TENM1: variants seen among roughly 807,000 people sequenced by gnomAD.
TENM1 encodes the protein teneurin transmembrane protein 1, also known as teneurin-1.
In TENM1, 35 loss-of-function variants were observed where a neutral mutation model predicts 174.8. The observed-to-expected ratio is 0.20, with a 90% CI of 0.15 to 0.27. The LOEUF (loss-of-function observed/expected upper bound fraction) is 0.27. TENM1 is among the 10% of genes least tolerant of loss of function. The probability of loss-of-function intolerance (pLI) is 1.00; values close to 1 mark genes in which losing one functional copy is unlikely to be tolerated. For missense variants in TENM1, 1,633 were observed against 2,130.1 expected (o/e 0.77, Z 4.59); for synonymous variants, 781 against 798.7 (o/e 0.98, Z 0.37).
chrX:124,671,692 C>T (rs1367668477), exon 6 of TENM1: 4 of 1,201,740 alleles, frequency 3.3e-6, no homozygotes, highest in Admixed American at 4.6e-5. Context: ...CCTTTTTTCT[C>T]TGATTTATCA....
chrX:125,190,730 GTTTT>G, the TENM1 span, among the ~76,000 whole-genome samples: 232 of 109,977 alleles, frequency 2.1e-3, no homozygotes, highest in Non-Finnish European at 3.4e-3. Context: ...TTATTTTTTT[GTTTT>G]TTTAATGGTT....
intron 3 of TENM1, among the ~76,000 whole-genome samples, chrX:124,883,403 T>G (rs772137255): frequency 8.9e-6 from 1 of 112,681 alleles, no homozygotes; most frequent in East Asian, 2.8e-4. Context: ...AAAGTTTTGC[T>G]GCAGATGAGG....
At chrX:125,082,324 A>G in the TENM1 span, among the ~76,000 whole-genome samples, 1 of 110,404 alleles carries the variant, frequency 9.1e-6, no homozygotes, top group Non-Finnish European at 1.9e-5. Context: ...TCTAGCAGCA[A>G]TGGTTGTTTT....
At chrX:124,533,189 A>T (rs974440325) in intron 15 of TENM1, among the ~76,000 whole-genome samples, 2 of 111,728 alleles carry the variant, frequency 1.8e-5, no homozygotes, top group Admixed American at 1.9e-4. Flanking sequence ...CACTTCGTTC[A>T]GCTCAACTGC....
the TENM1 span, chrX:125,204,218 C>G: frequency 3.6e-5 from 4 of 112,221 alleles, no homozygotes; most frequent in Non-Finnish European, 7.5e-5. Flanking sequence ...AGGTGAACTC[C>G]GGGCTGAGCC....
chrX:124,999,065 C>T, the TENM1 span, among the ~76,000 whole-genome samples: 2 of 110,983 alleles, frequency 1.8e-5, no homozygotes, highest in East Asian at 5.6e-4. Flanking sequence ...CATGATGTGG[C>T]ATGAAGAAAT....
At chrX:124,502,575 C>A (rs2047357458) in intron 19 of TENM1, among the ~76,000 whole-genome samples, 1 of 104,046 alleles carries the variant, frequency 9.6e-6, no homozygotes, top group African/African-American at 3.5e-5. Context: ...TCTGCCCTTT[C>A]ATTTTTGTAC....
At chrX:124,400,816 C>T (rs370997592) in intron 27 of TENM1, among the ~76,000 whole-genome samples, 3 of 112,192 alleles carry the variant, frequency 2.7e-5, no homozygotes, top group East Asian at 2.8e-4. Context: ...TTGTTATCTG[C>T]ACTCTAATTT....
chrX:124,972,437 T>C, the TENM1 span, among the ~76,000 whole-genome samples: 1 of 111,887 alleles, frequency 8.9e-6, no homozygotes, highest in Non-Finnish European at 1.9e-5. Context: ...CAAAACTTTG[T>C]AAAACCAAGA....
At chrX:124,871,808 C>T in intron 3 of TENM1, among the ~76,000 whole-genome samples, 1 of 109,525 alleles carries the variant, frequency 9.1e-6, no homozygotes, top group Non-Finnish European at 1.9e-5. Flanking sequence ...CTGAGGCAGG[C>T]GAATCATGAT....
At chrX:124,965,187 T>C (rs898224533), upstream of TENM1, among the ~76,000 whole-genome samples, 1 of 111,281 alleles carries the variant, frequency 9.0e-6, no homozygotes, top group African/African-American at 3.3e-5. Context: ...ACGCCATTCT[T>C]CTGCCTCAGC....
chrX:125,120,794 G>A, the TENM1 span, among the ~76,000 whole-genome samples: 5 of 110,683 alleles, frequency 4.5e-5, no homozygotes, highest in African/African-American at 6.6e-5. Context: ...ATCCCACATC[G>A]GTGCTTGCTA....
intron 11 of TENM1, among the ~76,000 whole-genome samples, chrX:124,608,143 G>A (rs1016994296): frequency 2.7e-5 from 3 of 111,350 alleles, no homozygotes; most frequent in African/African-American, 3.3e-5. Flanking sequence ...GGTGCGCTGA[G>A]ATTTTATTAG....
intron 3 of TENM1, among the ~76,000 whole-genome samples, chrX:124,807,847 G>T (rs1156892996): frequency 1.0e-5 from 1 of 97,649 alleles, no homozygotes; most frequent in Non-Finnish European, 2.1e-5. Context: ...ACAAAGTAAG[G>T]AATCAAAATA....
intron 6 of TENM1, among the ~76,000 whole-genome samples, chrX:124,655,322 G>A (rs1352003042): frequency 8.9e-6 from 1 of 112,146 alleles, no homozygotes; most frequent in Non-Finnish European, 1.9e-5. Context: ...GATTTCTGAT[G>A]TGCCAGTTTA....
At chrX:124,678,246 T>A (rs146959301) in intron 5 of TENM1, among the ~76,000 whole-genome samples, 1,613 of 111,314 alleles carry the variant, frequency 0.014, 16 homozygotes, top group South Asian at 0.021. Context: ...CTGTATGTAC[T>A]GAAATGAAAC....
chrX:124,621,343 G>T (rs1479631785), intron 11 of TENM1, among the ~76,000 whole-genome samples: 2 of 110,718 alleles, frequency 1.8e-5, no homozygotes, highest in African/African-American at 6.6e-5. Context: ...CATGGTGGTG[G>T]GCACCTCTAG....
intron 23 of TENM1, among the ~76,000 whole-genome samples, chrX:124,447,627 T>C (rs2060979400): frequency 1.8e-5 from 2 of 112,080 alleles, no homozygotes; most frequent in Non-Finnish European, 3.8e-5. Context: ...TCATTTTTTA[T>C]GATCCCTAAG....
At chrX:124,504,210 T>A (rs746546608) in intron 18 of TENM1, among the ~76,000 whole-genome samples, 1 of 112,222 alleles carries the variant, frequency 8.9e-6, no homozygotes, top group Non-Finnish European at 1.9e-5. Flanking sequence ...TTGCCCAATT[T>A]ATGTTTTCCT....
Sources: allele counts gnomAD v4.1 joint callset (sites outside exome capture counted in the v4.1 genomes callset), GRCh38; gene constraint gnomAD v4.1.1; transcripts MANE v1.5; gene names NCBI Gene and HGNC (gene_info 2026-07-23, HGNC 2026-07-21).